Variants in MAD1L1 observed in about 807,000 individuals in gnomAD.
MAD1L1 encodes the protein mitotic spindle assembly checkpoint protein MAD1.
Under a neutral mutation model 96.9 loss-of-function variants are expected in MAD1L1, and 95 were observed. That is an observed-to-expected ratio of 0.98 (90% CI 0.83 to 1.16). The LOEUF is 1.16. Among genes scored for constraint, MAD1L1 ranks in the 50% most tolerant of loss-of-function variants. The pLI is 0.00. For missense variants in MAD1L1, 1,007 were observed against 954.4 expected (o/e 1.06, Z -0.73); for synonymous variants, 473 against 396.6 (o/e 1.19, Z -2.29).
intron 11 of MAD1L1, among the ~76,000 whole-genome samples, chr7:2,073,272 A>G (rs569872708): frequency 1.3e-5 from 2 of 152,358 alleles, no homozygotes; most frequent in South Asian, 4.1e-4. Context: ...GCAAAGAGTA[A>G]TAATGCAAAA....
chr7:1,855,923 C>T (rs1310330622), intron 18 of MAD1L1, among the ~76,000 whole-genome samples: 1 of 152,158 alleles, frequency 6.6e-6, no homozygotes, highest in Non-Finnish European at 1.5e-5. Context: ...GAGCAGCAGA[C>T]ATTGGCTGCT....
intron 11 of MAD1L1, among the ~76,000 whole-genome samples, chr7:2,090,820 A>T (rs1786173366): frequency 6.6e-6 from 1 of 152,198 alleles, no homozygotes; most frequent in Non-Finnish European, 1.5e-5. Flanking sequence ...AGGCCCCTCC[A>T]GGCAGGCAAC....
chr7:1,863,990 A>C (rs1318348902), intron 18 of MAD1L1, among the ~76,000 whole-genome samples: 1 of 111,962 alleles, frequency 8.9e-6, no homozygotes, highest in Non-Finnish European at 1.7e-5. Context: ...CTGGAGGCTG[A>C]GGCAGAGAAC....
chr7:1,923,703 T>G (rs577538017), intron 17 of MAD1L1, among the ~76,000 whole-genome samples: 54 of 152,252 alleles, frequency 3.5e-4, no homozygotes, highest in Non-Finnish European at 1.2e-4. Context: ...AAGCCTTGCC[T>G]GGCTCTGTGG....
chr7:2,009,356 A>ACAGAC (rs1297237257), intron 13 of MAD1L1, among the ~76,000 whole-genome samples: 4 of 152,322 alleles, frequency 2.6e-5, no homozygotes, highest in Non-Finnish European at 5.9e-5. Flanking sequence ...GGCACCAGGC[A>ACAGAC]CAGACCCCAC....
intron 10 of MAD1L1, among the ~76,000 whole-genome samples, chr7:2,160,097 G>T (rs972230791): frequency 6.6e-6 from 1 of 151,932 alleles, no homozygotes; most frequent in Non-Finnish European, 1.5e-5. Context: ...CAGGCCTGGT[G>T]GGGAGTGCCT....
At chr7:1,847,370 G>A (rs1180309167) in intron 18 of MAD1L1, 1 of 471,082 alleles carries the variant, frequency 2.1e-6, no homozygotes, top group East Asian at 6.9e-5. Flanking sequence ...GGCGGACCAG[G>A]GTGTGCAGCG....
chr7:1,850,778 C>T (rs1023646928), intron 18 of MAD1L1, among the ~76,000 whole-genome samples: 3 of 152,212 alleles, frequency 2.0e-5, no homozygotes, highest in Admixed American at 1.3e-4. Context: ...GCAGTGATTG[C>T]GACAACAGCA....
At chr7:2,210,177 A>G (rs1446431706) in intron 10 of MAD1L1, 1 of 152,210 alleles carries the variant, frequency 6.6e-6, no homozygotes, top group Non-Finnish European at 1.5e-5. Flanking sequence ...GGCTCAGGTG[A>G]TCCTCCCACC....
At chr7:2,136,069 G>A (rs1003904985) in intron 11 of MAD1L1, among the ~76,000 whole-genome samples, 6 of 152,016 alleles carry the variant, frequency 3.9e-5, no homozygotes, top group Non-Finnish European at 8.8e-5. Context: ...CAAGCTCAAT[G>A]AGACAGAAAC....
intron 11 of MAD1L1, among the ~76,000 whole-genome samples, chr7:2,092,337 C>T (rs1375720811): frequency 2.0e-5 from 3 of 152,310 alleles, no homozygotes; most frequent in East Asian, 1.9e-4. Flanking sequence ...CAGCTCACTG[C>T]AGCCTCAAAT....
At chr7:1,988,549 T>C (rs1343654322) in intron 14 of MAD1L1, among the ~76,000 whole-genome samples, 1 of 152,046 alleles carries the variant, frequency 6.6e-6, no homozygotes, top group African/African-American at 2.4e-5. Context: ...AAAACTTCGT[T>C]TTCTGTGTTT....
At chr7:2,174,982 T>C (rs1480490727) in intron 10 of MAD1L1, 5 of 152,214 alleles carry the variant, frequency 3.3e-5, no homozygotes, top group African/African-American at 7.2e-5. Context: ...CTTCAGTACC[T>C]TTCTGTCCTC....
intron 16 of MAD1L1, among the ~76,000 whole-genome samples, chr7:1,950,340 G>A (rs1272443788): frequency 1.3e-5 from 2 of 152,176 alleles, no homozygotes; most frequent in African/African-American, 2.4e-5. Context: ...TGGCTCTGCC[G>A]CCCTCCTGCA....
chr7:1,992,404 A>C (rs1346476841), intron 14 of MAD1L1, among the ~76,000 whole-genome samples: 1 of 152,224 alleles, frequency 6.6e-6, no homozygotes, highest in Non-Finnish European at 1.5e-5. Flanking sequence ...GGTGTCAGAA[A>C]CCTTTTGAAG....
chr7:1,956,733 C>T (rs149493183), intron 16 of MAD1L1, among the ~76,000 whole-genome samples: 22 of 152,248 alleles, frequency 1.4e-4, no homozygotes, highest in African/African-American at 5.3e-4. Flanking sequence ...GAGCACACGC[C>T]GTCTGCGCAG....
intron 3 of MAD1L1, 65 bp downstream of exon 3, chr7:2,229,919 A>T: frequency 1.9e-6 from 3 of 1,551,918 alleles, no homozygotes; most frequent in Non-Finnish European, 2.6e-6. Flanking sequence ...AGAAGACTGG[A>T]AGAGGTCCTG....
intron 12 of MAD1L1, among the ~76,000 whole-genome samples, chr7:2,061,424 G>C (rs1784654485): frequency 6.6e-6 from 1 of 152,238 alleles, no homozygotes; most frequent in Non-Finnish European, 1.5e-5. Flanking sequence ...GTGCCCCCAG[G>C]AGTCGGTGTC....
chr7:2,065,108 G>A (rs1391654291), intron 12 of MAD1L1, among the ~76,000 whole-genome samples: 1 of 152,260 alleles, frequency 6.6e-6, no homozygotes, highest in Non-Finnish European at 1.5e-5. Flanking sequence ...ACTCTCTTCT[G>A]GATGTGAGGC....
Sources: gnomAD v4.1 joint callset for allele counts (sites outside exome capture counted in the v4.1 genomes callset) on GRCh38, gnomAD v4.1.1 for gene constraint, MANE v1.5 for transcripts, NCBI Gene and HGNC (gene_info 2026-07-23, HGNC 2026-07-21) for gene names.